Variants in SLC5A4 observed in about 807,000 individuals in gnomAD.
The protein encoded by SLC5A4 is probable glucose sensor protein SLC5A4.
SLC5A4 carries 55 observed loss-of-function variants against 70.3 expected under a neutral mutation model. That is an observed-to-expected ratio of 0.78 (90% CI 0.63 to 0.98). The LOEUF is 0.98. Ranked by LOEUF, SLC5A4 falls within the 50% of genes least tolerant of loss-of-function variation. The probability of loss-of-function intolerance (pLI) is 0.00; values close to 1 mark genes in which losing one functional copy is unlikely to be tolerated. For missense variants in SLC5A4, 735 were observed against 839.2 expected (o/e 0.88, Z 1.53); for synonymous variants, 268 against 305.7 (o/e 0.88, Z 1.29).
chr22:32,239,570 T>TTA (rs1315288432), intron 5 of SLC5A4, among the ~76,000 whole-genome samples: 16 of 10,406 alleles, frequency 1.5e-3, no homozygotes, highest in African/African-American at 0.011. Context: ...ATATATATAT[T>TTA]TATATATATA....
chr22:32,269,423 A>G, the SLC5A4 span: 1 of 482,080 alleles, frequency 2.1e-6, no homozygotes, highest in East Asian at 5.2e-5. This position sits in a 1 kb window ranked among gnomAD's most constrained non-coding sequence, Gnocchi z 4.1. Flanking sequence ...GAAGCTGCTC[A>G]TCATCATCGC....
chr22:32,338,436 G>C, the SLC5A4 span, among the ~76,000 whole-genome samples: 1 of 152,130 alleles, frequency 6.6e-6, no homozygotes, highest in African/African-American at 2.4e-5. Flanking sequence ...ATTGCTTGAG[G>C]TCAGGAGTTC....
At chr22:32,308,848 ATGTATGCATG>A in the SLC5A4 span, among the ~76,000 whole-genome samples, 2,054 of 152,260 alleles carry the variant, frequency 0.013, 27 homozygotes, top group Non-Finnish European at 0.02. Context: ...ATGTATGCAT[ATGTATGCATG>A]TGTGCATGTA....
intron 3 of SLC5A4, among the ~76,000 whole-genome samples, chr22:32,249,511 T>A (rs1364647760): frequency 3.9e-5 from 6 of 152,172 alleles, no homozygotes; most frequent in Non-Finnish European, 8.8e-5. Flanking sequence ...AGGGCATATC[T>A]GGAGGCTGGG....
chr22:32,238,005 G>A (rs1490676526), intron 6 of SLC5A4, among the ~76,000 whole-genome samples: 1 of 152,138 alleles, frequency 6.6e-6, no homozygotes, highest in Non-Finnish European at 1.5e-5. Flanking sequence ...AGACACTTAT[G>A]CCAAACCCTA....
At chr22:32,301,723 A>G in the SLC5A4 span, among the ~76,000 whole-genome samples, 51 of 152,194 alleles carry the variant, frequency 3.4e-4, no homozygotes, top group Non-Finnish European at 5.9e-4. Context: ...AGTCTTGAAG[A>G]ACAAAGTTTG....
chr22:32,234,370 G>A lies in SLC5A4; in HGVS notation c.885+503C>T, dbSNP rs138553472. The stretch of plus-strand genomic sequence containing the variant: ...AATAGGGTGGAAAGCAGGGCACCAT[G>A]CAGCTATTTTTAAATAGCAAGGTTT... On this transcript the variant is annotated intron_variant, in intron 8 of 14. Transcript: ENST00000266086. Among the ~76,000 whole-genome samples, 866 of 152,252 alleles carry A rather than the reference G, an allele frequency of 5.7e-3. 8 individuals carry two copies. The highest frequency in any genetic ancestry group is 9.3e-3 in the Non-Finnish European group (631 of 68,018).
chr22:32,229,884 ATC>A, intron 10 of SLC5A4, among the ~76,000 whole-genome samples: 1 of 152,330 alleles, frequency 6.6e-6, no homozygotes, highest in African/African-American at 2.4e-5. Flanking sequence ...GAACTTAGAG[ATC>A]ATCTACTGGA....
the SLC5A4 span, among the ~76,000 whole-genome samples, chr22:32,309,818 G>A: frequency 9.9e-5 from 15 of 151,990 alleles, no homozygotes; most frequent in Admixed American, 9.8e-4. Flanking sequence ...TGGCTTGTGG[G>A]GGTGACCTGC....
At chr22:32,318,780 C>T in the SLC5A4 span, among the ~76,000 whole-genome samples, 1 of 152,192 alleles carries the variant, frequency 6.6e-6, no homozygotes, top group African/African-American at 2.4e-5. Context: ...CCCAGATTCA[C>T]TAAGAGTAGA....
chr22:32,352,168 C>CA, the SLC5A4 span, among the ~76,000 whole-genome samples: 3 of 147,648 alleles, frequency 2.0e-5, no homozygotes, highest in African/African-American at 5.0e-5. Context: ...ATCACAAGGA[C>CA]AAAAAACCAA....
At position 32,238,188 on chromosome 22, in the gene SLC5A4, A is replaced by G. The variant is rs375752218; in HGVS notation, c.583+797T>C. Among the ~76,000 whole-genome samples, 26 of 151,506 alleles carry G rather than the reference A, an allele frequency of 1.7e-4. 1 individual carries two copies. Among genetic ancestry groups the G allele is most frequent in the African/African-American group, 6.4e-4 (26 of 40,864 alleles). ...GTGAAGCAATCATCTTTGTTTCAAA[A>G]CAGCTTACATGGACTCTCCCTCTCT... On this transcript the variant is annotated intron_variant, in intron 6 of 14. Coordinates refer to ENST00000266086, the MANE Select transcript of SLC5A4 (RefSeq NM_014227.3).
intron 5 of SLC5A4, 72 bp from the exon 6 acceptor site, chr22:32,239,162 A>G (rs1283336384): frequency 9.6e-7 from 1 of 1,036,388 alleles, no homozygotes; most frequent in Non-Finnish European, 1.5e-6. Flanking sequence ...CCCAATGTCC[A>G]CTCTACTCAA....
At position 32,251,868 on chromosome 22, in the gene SLC5A4, C is replaced by G; in HGVS notation, c.214G>C (p.Ala72Pro). The G allele has an allele frequency of 6.2e-7, 1 of 1,612,202 alleles. No individual in the cohort carries two copies. The highest frequency in any genetic ancestry group is 1.7e-5 in the Admixed American group (1 of 59,990). ...GRDMAWWPMG[A>P]SLFASNIGSN... ...CCGATGTTACTGGCAAAGAGAGAGGCGCCCATCTGGAATGCAAGAGAACAG... is the reference window on the plus strand; with the variant it reads ...CCGATGTTACTGGCAAAGAGAGAGGGGCCCATCTGGAATGCAAGAGAACAG... The change falls in exon 3 of 15, where the codon GCC becomes CCC. Residue 72 changes from alanine to proline, a missense_variant. Coordinates refer to ENST00000266086, the MANE Select transcript of SLC5A4 (RefSeq NM_014227.3).
the SLC5A4 span, among the ~76,000 whole-genome samples, chr22:32,283,285 T>TATTC: frequency 4.9e-3 from 752 of 152,362 alleles, 2 homozygotes; most frequent in South Asian, 0.017. Context: ...TTGTCTCAGA[T>TATTC]ATTCGCTGGG....
At chr22:32,306,066 G>A in the SLC5A4 span, among the ~76,000 whole-genome samples, 1 of 152,180 alleles carries the variant, frequency 6.6e-6, no homozygotes, top group East Asian at 1.9e-4. Flanking sequence ...AATTATGTGG[G>A]CACAGGTTCC....
At chr22:32,351,714 GC>G in the SLC5A4 span, among the ~76,000 whole-genome samples, 1 of 69,310 alleles carries the variant, frequency 1.4e-5, no homozygotes, top group African/African-American at 7.6e-5. Flanking sequence ...GGGGTGGGGG[GC>G]GTGGGGGGAG....
chr22:32,239,517 A>ATTAT (rs1926263532), intron 5 of SLC5A4, among the ~76,000 whole-genome samples: 1 of 32,244 alleles, frequency 3.1e-5, no homozygotes, highest in Non-Finnish European at 6.2e-5. Flanking sequence ...GGGAGTGCAT[A>ATTAT]TTATATATAT....
At chr22:32,350,694 A>G in the SLC5A4 span, among the ~76,000 whole-genome samples, 179 of 152,320 alleles carry the variant, frequency 1.2e-3, no homozygotes, top group African/African-American at 4.1e-3. Context: ...CTGGACAAAA[A>G]TTTAGACACG....
Sources: allele counts gnomAD v4.1 joint callset (sites outside exome capture counted in the v4.1 genomes callset), GRCh38; gene constraint gnomAD v4.1.1; non-coding constraint Gnocchi (gnomAD v3.1); transcripts MANE v1.5; gene names NCBI Gene and HGNC (gene_info 2026-07-23, HGNC 2026-07-21).